JMJD1C: variants seen among roughly 807,000 people sequenced by gnomAD.
JMJD1C encodes the protein jumonji domain containing 1C, also known as jumonji domain-containing protein 1C.
In JMJD1C, 31 loss-of-function variants were observed where a neutral mutation model predicts 245.3. The observed-to-expected ratio is 0.13, with a 90% CI of 0.09 to 0.17. JMJD1C has a LOEUF of 0.17. JMJD1C is among the 10% of genes least tolerant of loss of function. The pLI, the probability that JMJD1C is intolerant of heterozygous loss-of-function variation, is 1.00. For missense variants in JMJD1C, 2,691 were observed against 3,000.2 expected (o/e 0.90, Z 2.41); for synonymous variants, 1,057 against 1,017.4 (o/e 1.04, Z -0.74).
chr10:63,269,104 T>C, intron 2 of JMJD1C: 3 of 985,438 alleles, frequency 3.0e-6, no homozygotes, highest in Non-Finnish European at 1.2e-6. Flanking sequence ...ACCAGTAAGA[T>C]ACTCCAAATA....
chr10:63,391,880 C>T (rs754862461), intron 1 of JMJD1C, among the ~76,000 whole-genome samples: 3 of 152,198 alleles, frequency 2.0e-5, no homozygotes, highest in Admixed American at 6.5e-5. Context: ...AATCACACTA[C>T]ACTACCCGAC....
At chr10:63,332,443 A>C (rs1249440692) in intron 2 of JMJD1C, among the ~76,000 whole-genome samples, 2 of 152,248 alleles carry the variant, frequency 1.3e-5, no homozygotes, top group Non-Finnish European at 2.9e-5. Context: ...TGTGATGAAT[A>C]CTGGATCCTT....
intron 1 of JMJD1C, among the ~76,000 whole-genome samples, chr10:63,388,306 G>C (rs1397076383): frequency 6.6e-6 from 1 of 151,414 alleles, no homozygotes; most frequent in Non-Finnish European, 1.5e-5. Flanking sequence ...AATCCTTACA[G>C]GGCAGAAGAC....
intron 1 of JMJD1C, among the ~76,000 whole-genome samples, chr10:63,401,934 A>C (rs1370719816): frequency 6.6e-6 from 1 of 152,122 alleles, no homozygotes; most frequent in Non-Finnish European, 1.5e-5. Context: ...CGGGAGTTCG[A>C]GATCAGCCTG....
chr10:63,517,105 C>T (rs534321608), intron 1 of JMJD1C, among the ~76,000 whole-genome samples: 1 of 152,234 alleles, frequency 6.6e-6, no homozygotes, highest in East Asian at 1.9e-4. Context: ...TATTTTTTAG[C>T]CACTGAAAAT....
In JMJD1C at chr10:63,215,634, A is replaced by G. The variant is rs774624546; in HGVS notation, c.741T>C (p.Val247=). ...TATTTTCACCTTTTAACAAAGAGTGAACAACATCATCTAGAAAGGTCATTT... is the reference window on the plus strand; with the variant it reads ...TATTTTCACCTTTTAACAAAGAGTGGACAACATCATCTAGAAAGGTCATTT... ...MVQMTFLDDV[V]HSLLKGENIG... The change falls in exon 6 of 26, where the codon GTT becomes GTC. Residue 247 remains valine, a synonymous_variant. Transcript: ENST00000399262. 6.2e-6 allele frequency: 10 copies of G among 1,610,592 alleles called. No homozygotes were observed.
chr10:63,276,694 C>T (rs1256627201), intron 2 of JMJD1C, among the ~76,000 whole-genome samples: 1 of 151,898 alleles, frequency 6.6e-6, no homozygotes, highest in African/African-American at 2.4e-5. Flanking sequence ...GTCTCCTGAC[C>T]TCAGGTGATC....
At chr10:63,391,488 C>T (rs932298401) in intron 1 of JMJD1C, among the ~76,000 whole-genome samples, 3 of 150,006 alleles carry the variant, frequency 2.0e-5, no homozygotes, top group Admixed American at 6.8e-5. Context: ...CCAGTCTGGG[C>T]GACAGAGTGA....
chr10:63,244,481 A>G (rs1353427913), intron 3 of JMJD1C, among the ~76,000 whole-genome samples: 1 of 152,212 alleles, frequency 6.6e-6, no homozygotes, highest in East Asian at 1.9e-4. Context: ...TAGAATAACC[A>G]ATCCTTCAAT....
intron 2 of JMJD1C, among the ~76,000 whole-genome samples, chr10:63,309,366 C>T (rs553966796): frequency 2.6e-5 from 4 of 151,234 alleles, no homozygotes; most frequent in East Asian, 3.9e-4. Flanking sequence ...TGGTGGCAGG[C>T]GCCTGTAATC....
chr10:63,473,447 A>G (rs1049870668), intron 1 of JMJD1C, among the ~76,000 whole-genome samples: 5 of 151,242 alleles, frequency 3.3e-5, no homozygotes, highest in African/African-American at 1.2e-4. Flanking sequence ...GGGTTTCACT[A>G]TGTTGGCCAG....
In JMJD1C at chr10:63,443,862, T is replaced by C. The variant is rs542153132; in HGVS notation, c.168+21633A>G. On this transcript the variant is annotated intron_variant, in intron 1 of 25. Coordinates refer to ENST00000399262, the MANE Select transcript of JMJD1C (RefSeq NM_032776.3). ...AGAAATGACACTTCTATCACCCCTATCACTCGGGAGAGTCCAAGGGTATCA... is the reference window on the plus strand; with the variant it reads ...AGAAATGACACTTCTATCACCCCTACCACTCGGGAGAGTCCAAGGGTATCA... Among the ~76,000 whole-genome samples, 14 of 152,298 alleles carry C rather than the reference T, an allele frequency of 9.2e-5. No homozygotes were observed. In the East Asian group the frequency reaches 2.7e-3, roughly 29 times the overall value.
intron 3 of JMJD1C, among the ~76,000 whole-genome samples, chr10:63,241,550 A>G (rs932733243): frequency 1.3e-5 from 2 of 152,198 alleles, no homozygotes; most frequent in Admixed American, 6.5e-5. Flanking sequence ...TAAAGTCTTT[A>G]TAATAGCCTA....
chr10:63,396,859 TCA>T (rs1948525697), intron 1 of JMJD1C, among the ~76,000 whole-genome samples: 1 of 150,896 alleles, frequency 6.6e-6, no homozygotes, highest in Admixed American at 6.6e-5. Context: ...AAACTACATC[TCA>T]GTTTCATAGA....
Position 63,493,249 on chromosome 10 carries a change from C to CTTTTTTTTT in JMJD1C, n.113+28480_113+28488dup, listed in dbSNP as rs752941477. On this transcript the variant is annotated intron_variant and non_coding_transcript_variant, in intron 1 of 3. Transcript: ENST00000633035. The stretch of plus-strand genomic sequence containing the variant: ...GTAGATGGGAACAAAACTGTTATTT[C>CTTTTTTTTT]TTTTTTTTTTTTTTTTTTTTTTTTT... Among the ~76,000 whole-genome samples the CTTTTTTTTT allele has an allele frequency of 6.3e-3, 308 of 49,156 alleles. 25 individuals are homozygous for CTTTTTTTTT. The highest frequency in any genetic ancestry group is 8.2e-3 in the Admixed American group (21 of 2,576). The allele number at this position is 49,156 out of a possible 152,430, so 32.2% of individuals were successfully genotyped here. A position where few individuals can be genotyped will look rare whatever the true frequency, so the allele number is the denominator to read the frequency against.
chr10:63,298,006 C>T (rs777522335), intron 2 of JMJD1C, among the ~76,000 whole-genome samples: 14 of 152,350 alleles, frequency 9.2e-5, no homozygotes, highest in South Asian at 2.1e-4. Flanking sequence ...CATCCACACG[C>T]GGGTGCTGCA....
chr10:63,376,496 T>C (rs1946754119), intron 2 of JMJD1C, among the ~76,000 whole-genome samples: 1 of 151,672 alleles, frequency 6.6e-6, no homozygotes, highest in African/African-American at 2.4e-5. Flanking sequence ...ACCTGTAAAA[T>C]GAAAGAAAAT....
At chr10:63,168,875 A>T (rs1842084939) in intron 24 of JMJD1C, among the ~76,000 whole-genome samples, 1 of 152,188 alleles carries the variant, frequency 6.6e-6, no homozygotes, top group African/African-American at 2.4e-5. Flanking sequence ...GTGGACTTTT[A>T]AAAAATGTGT....
At chr10:63,263,569 T>A (rs1335724254) in intron 3 of JMJD1C, among the ~76,000 whole-genome samples, 1 of 152,208 alleles carries the variant, frequency 6.6e-6, no homozygotes, top group Non-Finnish European at 1.5e-5. Flanking sequence ...GCAATTACTG[T>A]ATTATTTTAA....
Sources: allele counts gnomAD v4.1 joint callset (sites outside exome capture counted in the v4.1 genomes callset), GRCh38; gene constraint gnomAD v4.1.1; transcripts MANE v1.5; gene names NCBI Gene and HGNC (gene_info 2026-07-23, HGNC 2026-07-21).